SHISAL1: variants seen among roughly 807,000 people sequenced by gnomAD.
The protein encoded by SHISAL1 is protein shisa-like-1.
SHISAL1 carries 9 observed loss-of-function variants against 22.6 expected under a neutral mutation model. That is an observed-to-expected ratio of 0.40 (90% CI 0.24 to 0.70). SHISAL1 has a LOEUF of 0.70. Ranked by LOEUF, SHISAL1 falls within the 30% of genes least tolerant of loss-of-function variation. The pLI, the probability that SHISAL1 is intolerant of heterozygous loss-of-function variation, is 0.39. For missense variants in SHISAL1, 246 were observed against 270.6 expected, an observed-to-expected ratio of 0.91 and a Z score of 0.64; for synonymous variants, 119 against 115.4, an observed-to-expected ratio of 1.03 and a Z score of -0.20.
At chr22:44,251,121 C>A (rs766154720) in intron 4 of SHISAL1, among the ~76,000 whole-genome samples, 8 of 152,180 alleles carry the variant, frequency 5.3e-5, no homozygotes, top group Non-Finnish European at 1.0e-4. Context: ...ATTGTACTTA[C>A]TTGAATAGTT....
chr22:44,300,803 TG>T, intron 2 of SHISAL1, 75 bp downstream of exon 2: 1 of 1,299,422 alleles, frequency 7.7e-7, no homozygotes, highest in Non-Finnish European at 1.1e-6. Context: ...GAACCCCAGA[TG>T]GGCCAGCACG....
At chr22:44,319,934 A>G in the SHISAL1 span, among the ~76,000 whole-genome samples, 1 of 151,982 alleles carries the variant, frequency 6.6e-6, no homozygotes, top group African/African-American at 2.4e-5. Flanking sequence ...GTGGGTGGAA[A>G]TCAGGTCTCG....
chr22:44,267,817 C>A (rs1293653690), intron 4 of SHISAL1, among the ~76,000 whole-genome samples: 1 of 152,268 alleles, frequency 6.6e-6, no homozygotes, highest in Non-Finnish European at 1.5e-5. Context: ...CTGGTCTCTT[C>A]CAACTCCGAC....
intron 1 of SHISAL1, among the ~76,000 whole-genome samples, chr22:44,307,585 T>TG (rs1481178321): frequency 6.6e-6 from 1 of 152,132 alleles, no homozygotes; most frequent in African/African-American, 2.4e-5. Flanking sequence ...CTCAAACAAC[T>TG]GGAAGAACAT....
chr22:44,298,751 G>C (rs978433556), intron 2 of SHISAL1, among the ~76,000 whole-genome samples: 3 of 152,228 alleles, frequency 2.0e-5, no homozygotes, highest in African/African-American at 7.2e-5. Flanking sequence ...GGAGGAGCCT[G>C]ATATGCAGAG....
rs1031628122 is a variant in SHISAL1, at chr22:44,310,322, C to A, written c.-33+2429G>T. On this transcript the variant is annotated intron_variant, in intron 1 of 4. Coordinates refer to ENST00000381176, the MANE Select transcript of SHISAL1 (RefSeq NM_001099294.2). The surrounding 1 kb of genome is among the most constrained non-coding windows in gnomAD (Gnocchi z 4.0). ...CATCTCCATTGCTGAGATAAATAAA[C>A]CACAGCTCAGAGAAACTAAGTGATT... 6.6e-6 allele frequency among the ~76,000 whole-genome samples: 1 copy of A among 152,212 alleles called. No homozygotes were observed. Among genetic ancestry groups the A allele is most frequent in the African/African-American group, 2.4e-5 (1 of 41,456 alleles).
rs73888945 is a variant in SHISAL1 at position 44,257,717 on chromosome 22, G to C, written c.*-8032C>G. Among the ~76,000 whole-genome samples the C allele has an allele frequency of 9.7e-3, 1,473 of 152,302 alleles. 25 individuals are homozygous for C. The highest frequency in any genetic ancestry group is 0.034 in the African/African-American group (1,416 of 41,552). On this transcript the variant is annotated intron_variant, in intron 4 of 4. Transcript: ENST00000381176. ...AAGTGAACACCTGTGAAAGGGACTC[G>C]CCACCGTGCTCAGCAGACGATCCAG...
chr22:44,294,842 A>G (rs959840059), intron 3 of SHISAL1, among the ~76,000 whole-genome samples: 2 of 152,252 alleles, frequency 1.3e-5, no homozygotes, highest in African/African-American at 4.8e-5. Flanking sequence ...GTGGAAGGAA[A>G]GACCCAACAG....
At chr22:44,308,692 T>A (rs772480985) in intron 1 of SHISAL1, among the ~76,000 whole-genome samples, 13 of 152,198 alleles carry the variant, frequency 8.5e-5, no homozygotes, top group Non-Finnish European at 1.8e-4. Context: ...GGGGCCAGCA[T>A]GGGCAGGAGC....
chr22:44,302,245 C>A (rs1033885036), intron 1 of SHISAL1, among the ~76,000 whole-genome samples: 3 of 146,326 alleles, frequency 2.1e-5, no homozygotes, highest in South Asian at 4.6e-4. Context: ...GAGGCCAAGG[C>A]GGGAGAACAG....
At chr22:44,255,213 G>A (rs563937063) in intron 4 of SHISAL1, among the ~76,000 whole-genome samples, 2 of 152,228 alleles carry the variant, frequency 1.3e-5, no homozygotes, top group East Asian at 1.9e-4. Context: ...TGGAGTCGGA[G>A]TTTCACTCTG....
Position 44,285,652 on chromosome 22 carries a change from G to A in SHISAL1, c.375C>T (p.Tyr125=), listed in dbSNP as rs201344135. The A allele has an allele frequency of 7.5e-5, 121 of 1,614,060 alleles. No homozygotes were observed. Among genetic ancestry groups the A allele is most frequent in the African/African-American group, 3.1e-4 (23 of 74,930 alleles). The change falls in exon 4 of 5, where the codon TAC becomes TAT. Residue 125 remains tyrosine, a synonymous_variant. Coordinates refer to ENST00000381176, the MANE Select transcript of SHISAL1 (RefSeq NM_001099294.2). ...GTGCCAGGTAGACCTTGCAGATGTCGTAGTTCATTGCCGAGTAATACAAAA... is the reference window on the plus strand; with the variant it reads ...GTGCCAGGTAGACCTTGCAGATGTCATAGTTCATTGCCGAGTAATACAAAA... ...LDLLYYSAMN[Y]DICKVYLARW...
chr22:44,309,300 A>G (rs2055501072), intron 1 of SHISAL1, among the ~76,000 whole-genome samples: 1 of 152,208 alleles, frequency 6.6e-6, no homozygotes, highest in Non-Finnish European at 1.5e-5. Flanking sequence ...GAGTAATTCT[A>G]TGTGGGCACG....
In SHISAL1 at chr22:44,289,384, C is replaced by T. The variant is rs955218818; in HGVS notation, c.282-3639G>A. Among the ~76,000 whole-genome samples, 5 of 152,282 alleles carry T rather than the reference C, an allele frequency of 3.3e-5. No homozygotes were observed. The South Asian group carries it at 8.3e-4, about 25-fold the overall frequency. ...ACCTGCGTGGTGTGCCTGCTTGTCC[C>T]GGCCCACCCTCTACCAGGAACTGAG... On this transcript the variant is annotated intron_variant, in intron 3 of 4. Transcript: ENST00000381176.
At chr22:44,266,000 C>T (rs569718691) in intron 4 of SHISAL1, among the ~76,000 whole-genome samples, 1 of 152,326 alleles carries the variant, frequency 6.6e-6, no homozygotes, top group Admixed American at 6.5e-5. Flanking sequence ...CTCTGCATCA[C>T]AGCTTCATCC....
chr22:44,304,835 C>G (rs1336453897), intron 1 of SHISAL1, among the ~76,000 whole-genome samples: 1 of 152,098 alleles, frequency 6.6e-6, no homozygotes, highest in African/African-American at 2.4e-5. Context: ...AAACAGGTCC[C>G]CAGACTCCAG....
upstream of SHISAL1, among the ~76,000 whole-genome samples, chr22:44,315,931 G>T (rs1486988778): frequency 6.6e-6 from 1 of 152,138 alleles, no homozygotes; most frequent in Non-Finnish European, 1.5e-5. Context: ...GCCCTCAAAG[G>T]ATTCACAGTC....
chr22:44,288,719 G>T (rs1009697388), intron 3 of SHISAL1, among the ~76,000 whole-genome samples: 1 of 152,222 alleles, frequency 6.6e-6, no homozygotes, highest in African/African-American at 2.4e-5. Flanking sequence ...TGTCCATGCT[G>T]CACCTCTCTC....
At chr22:44,268,643 AAGTGGGCAGCAGGGAGAGGGTGTTTT>A (rs748963477) in intron 4 of SHISAL1, among the ~76,000 whole-genome samples, 2 of 152,192 alleles carry the variant, frequency 1.3e-5, no homozygotes, top group Non-Finnish European at 2.9e-5. Context: ...ACTGTGCTGC[AAGTGGGCAGCAGGGAGAGGGTGTTTT>A]AGAGGATGGG....
Sources: gnomAD v4.1 joint callset for allele counts (sites outside exome capture counted in the v4.1 genomes callset) on GRCh38, gnomAD v4.1.1 for gene constraint, Gnocchi (gnomAD v3.1) non-coding constraint, MANE v1.5 for transcripts, NCBI Gene and HGNC (gene_info 2026-07-23, HGNC 2026-07-21) for gene names.